The following RAB11FIP1 variants were observed in gnomAD, a reference collection of about 807,000 sequenced individuals.
RAB11FIP1 encodes the protein rab11 family-interacting protein 1.
RAB11FIP1 carries 49 observed loss-of-function variants against 83.1 expected under a neutral mutation model. The ratio of observed to expected loss-of-function variants is 0.59; its 90% CI spans 0.47 to 0.75. RAB11FIP1 has a LOEUF of 0.75. Among genes scored for constraint, RAB11FIP1 ranks in the 30% least tolerant of loss-of-function variants. The probability of loss-of-function intolerance (pLI) is 0.00; values close to 1 mark genes in which losing one functional copy is unlikely to be tolerated. For synonymous variants in RAB11FIP1, 670 were observed against 656.0 expected (o/e 1.02, Z -0.33); for missense variants, 1,536 against 1,598.7 (o/e 0.96, Z 0.67).
In RAB11FIP1 at chr8:37,871,480, G is replaced by A. The variant is rs548712181; in HGVS notation, c.3322C>T (p.His1108Tyr). The change falls in exon 4 of 6, where the codon CAC becomes TAC. Residue 1108 changes from histidine (H) to tyrosine (Y), a missense_variant. Coordinates refer to ENST00000330843, the MANE Select transcript of RAB11FIP1 (RefSeq NM_001002814.3). Reference sequence around the variant, plus strand: ...GAATGTGCAGAGCTGGGGAAAGAGTGTGTGACAGGAAAGATCTCAGAAGGG... The same window carrying A: ...GAATGTGCAGAGCTGGGGAAAGAGTATGTGACAGGAAAGATCTCAGAAGGG... ...PSPSEIFPVTHSFPSSAHSDT... is the reference protein window; with the variant it reads ...PSPSEIFPVTYSFPSSAHSDT... The A allele has an allele frequency of 3.1e-6, 5 of 1,613,924 alleles. No individual in the cohort carries two copies. The highest frequency in any genetic ancestry group is 1.6e-4 in the Middle Eastern group (1 of 6,062).
At position 37,899,057 on chromosome 8, in the gene RAB11FIP1, C is replaced by T. The variant is rs564117713; in HGVS notation, c.371+14G>A. ...GCCCCCAGGCCGGGCCCTCCCCTCC[C>T]CGCCCGCACTCACTGCGTCTTCCTG... On this transcript the variant is annotated intron_variant, in intron 1 of 5. Transcript: ENST00000330843. This position sits in a 1 kb window ranked among gnomAD's most constrained non-coding sequence, Gnocchi z 4.5. The T allele has an allele frequency of 6.0e-5, 88 of 1,469,192 alleles. No individual in the cohort carries two copies. Among genetic ancestry groups the T allele is most frequent in the Non-Finnish European group, 7.7e-5 (86 of 1,119,492 alleles). 91.0% of individuals were successfully genotyped at this position (1,469,192 alleles called of 1,614,324 possible). A position where few individuals can be genotyped will look rare whatever the true frequency, so the allele number is the denominator to read the frequency against.
At chr8:37,890,067 G>A (rs1806915396) in intron 1 of RAB11FIP1, among the ~76,000 whole-genome samples, 2 of 152,194 alleles carry the variant, frequency 1.3e-5, no homozygotes, top group Admixed American at 1.3e-4. Context: ...TTACAGGCAT[G>A]AGCCTGGCCT....
intron 1 of RAB11FIP1, among the ~76,000 whole-genome samples, chr8:37,888,763 C>T (rs1164360596): frequency 6.6e-6 from 1 of 151,628 alleles, no homozygotes; most frequent in Non-Finnish European, 1.5e-5. Context: ...CCACTGCACC[C>T]AGCCCCTCAG....
intron 1 of RAB11FIP1, among the ~76,000 whole-genome samples, chr8:37,890,238 G>A (rs1400710884): frequency 6.6e-6 from 1 of 152,232 alleles, no homozygotes; most frequent in Non-Finnish European, 1.5e-5. Context: ...CACACAGGAT[G>A]CCCATTCTTT....
At chr8:37,896,519 C>T (rs1201883418) in intron 1 of RAB11FIP1, among the ~76,000 whole-genome samples, 2 of 152,050 alleles carry the variant, frequency 1.3e-5, no homozygotes. Flanking sequence ...AACTAAGCAC[C>T]ATTTTCCTGG....
chr8:37,869,420 T>C (rs1806403551), intron 5 of RAB11FIP1, among the ~76,000 whole-genome samples: 1 of 148,764 alleles, frequency 6.7e-6, no homozygotes, highest in South Asian at 2.1e-4. Flanking sequence ...AGCAAAATCC[T>C]GTCTCTACTA....
chr8:37,876,520 C>A (rs1407748500), intron 2 of RAB11FIP1, among the ~76,000 whole-genome samples: 1 of 151,500 alleles, frequency 6.6e-6, no homozygotes, highest in Non-Finnish European at 1.5e-5. Context: ...ATTCCTTGAG[C>A]CCAGGAGTTG....
intron 1 of RAB11FIP1, among the ~76,000 whole-genome samples, chr8:37,883,038 T>C (rs1158788742): frequency 6.6e-5 from 10 of 152,250 alleles, no homozygotes; most frequent in East Asian, 3.9e-4. Flanking sequence ...CACGGGGCTA[T>C]TGAAGGATAT....
At chr8:37,888,304 A>G (rs2130184754) in intron 1 of RAB11FIP1, among the ~76,000 whole-genome samples, 1 of 152,136 alleles carries the variant, frequency 6.6e-6, no homozygotes, top group East Asian at 1.9e-4. Flanking sequence ...ACGGAGTTTC[A>G]CCATGCTGGC....
chr8:37,873,039 G>T lies in RAB11FIP1; in HGVS notation c.1763C>A (p.Ser588Tyr). The T allele has an allele frequency of 6.2e-7, 1 of 1,614,144 alleles. No individual in the cohort carries two copies. The highest frequency in any genetic ancestry group is 1.7e-5 in the Admixed American group (1 of 60,018). ...SELGHGADTQSSESPSVFSSL... is the reference protein window; with the variant it reads ...SELGHGADTQYSESPSVFSSL... ...GGAGAAGACAGAAGGACTCTCAGAG[G>T]ACTGTGTGTCTGCACCATGTCCCAA... The change falls in exon 4 of 6, where the codon TCC (serine) becomes TAC (tyrosine). Residue 588 changes from serine (S) to tyrosine (Y), a missense_variant. Transcript: ENST00000330843.
rs1460894999 is a variant in RAB11FIP1 at position 37,871,990 on chromosome 8, A to G, written c.2812T>C (p.Leu938=). The change falls in exon 4 of 6, where the codon TTG becomes CTG. Residue 938 remains leucine (L), a synonymous_variant. Transcript: ENST00000330843. Reference sequence around the variant, plus strand: ...TCTGAGACCAACTGAAGGTCACTCAAGGGGTCAGACAATAAACCTTCGTGG... The same window carrying G: ...TCTGAGACCAACTGAAGGTCACTCAGGGGGTCAGACAATAAACCTTCGTGG... ...SDHEGLLSDP[L]SDLQLVSDFK... The G allele has an allele frequency of 2.5e-6, 4 of 1,614,192 alleles. No homozygotes were observed. The highest frequency in any genetic ancestry group is 3.4e-6 in the Non-Finnish European group (4 of 1,180,030).
intron 1 of RAB11FIP1, among the ~76,000 whole-genome samples, chr8:37,881,278 T>A (rs1189154696): frequency 6.6e-6 from 1 of 152,216 alleles, no homozygotes; most frequent in Non-Finnish European, 1.5e-5. Context: ...GGATTCCAAA[T>A]CAGTTTCCCC....
At chr8:37,891,272 T>C (rs1432279599) in intron 1 of RAB11FIP1, among the ~76,000 whole-genome samples, 1 of 152,162 alleles carries the variant, frequency 6.6e-6, no homozygotes, top group East Asian at 1.9e-4. Flanking sequence ...GAGATGAAGA[T>C]AAGGCCTAAA....
intron 1 of RAB11FIP1, among the ~76,000 whole-genome samples, chr8:37,898,613 AC>A (rs1807141118): frequency 6.7e-6 from 1 of 148,508 alleles, no homozygotes; most frequent in Non-Finnish European, 1.5e-5. Context: ...AGATCGTGCC[AC>A]TGCACTGCAG....
chr8:37,873,153 G>T lies in RAB11FIP1; in HGVS notation c.1649C>A (p.Pro550His). ...AGTAGGGGAAGGAAGCCTGGCTGTG[G>T]GTTGCGCCTCTGGAGACACTTCCAG... ...PRLEVSPEAQPTARLPSPTDS... is the reference protein window; with the variant it reads ...PRLEVSPEAQHTARLPSPTDS... The change falls in exon 4 of 6, where the codon CCC (proline) becomes CAC (histidine). Residue 550 changes from proline (P) to histidine (H), a missense_variant. Transcript: ENST00000330843. 1.2e-6 allele frequency: 2 copies of T among 1,605,534 alleles called. No homozygotes were observed. Among genetic ancestry groups the T allele is most frequent in the Non-Finnish European group, 1.7e-6 (2 of 1,178,062 alleles).
intron 2 of RAB11FIP1, among the ~76,000 whole-genome samples, chr8:37,876,749 T>A (rs938319658): frequency 1.4e-4 from 21 of 151,524 alleles, no homozygotes; most frequent in African/African-American, 5.1e-4. Flanking sequence ...CAAGCAATCC[T>A]CCCAGCCTAG....
intron 1 of RAB11FIP1, among the ~76,000 whole-genome samples, chr8:37,885,910 G>A (rs1482185766): frequency 7.2e-5 from 11 of 152,210 alleles, no homozygotes; most frequent in African/African-American, 2.7e-4. Flanking sequence ...CTGTCGGAAT[G>A]TGGCAGGGTC....
chr8:37,870,688 G>C, intron 4 of RAB11FIP1, 160 bp from the exon 5 acceptor site: 1 of 547,880 alleles, frequency 1.8e-6, no homozygotes, highest in South Asian at 2.6e-5. Flanking sequence ...CAGTTCCTGT[G>C]GAAACAAAAG....
At chr8:37,880,750 T>C (rs1376132039) in intron 1 of RAB11FIP1, among the ~76,000 whole-genome samples, 1 of 138,334 alleles carries the variant, frequency 7.2e-6, no homozygotes, top group Non-Finnish European at 1.5e-5. Flanking sequence ...CGCAACAGAG[T>C]GAGACCCTAT....
Sources: allele counts gnomAD v4.1 joint callset (sites outside exome capture counted in the v4.1 genomes callset), GRCh38; gene constraint gnomAD v4.1.1; non-coding constraint Gnocchi (gnomAD v3.1); transcripts MANE v1.5; gene names NCBI Gene and HGNC (gene_info 2026-07-23, HGNC 2026-07-21).